Variants in IFT43 observed in about 807,000 individuals in gnomAD.
IFT43 encodes intraflagellar transport protein 43 homolog.
A neutral mutation model predicts 32.3 loss-of-function variants in IFT43; 33 were observed. The ratio of observed to expected loss-of-function variants is 1.02; its 90% CI spans 0.77 to 1.37. IFT43 has a LOEUF of 1.37. Among genes scored for constraint, IFT43 ranks in the 40% most tolerant of loss-of-function variants. The pLI is 0.00. For synonymous variants in IFT43, 93 were observed against 98.2 expected, an observed-to-expected ratio of 0.95 and a Z score of 0.31; for missense variants, 274 against 265.9, an observed-to-expected ratio of 1.03 and a Z score of -0.21.
At chr14:76,002,442 A>G (rs1417478903) in intron 2 of IFT43, among the ~76,000 whole-genome samples, 1 of 152,066 alleles carries the variant, frequency 6.6e-6, no homozygotes, top group Non-Finnish European at 1.5e-5. Flanking sequence ...CCAAGAAGGA[A>G]GTTGTTAGAT....
At position 76,005,863 on chromosome 14, in the gene IFT43, T is replaced by G. The variant is rs142287209; in HGVS notation, c.148-16464T>G. 7.6e-4 allele frequency among the ~76,000 whole-genome samples: 116 copies of G among 152,354 alleles called. 1 individual carries two copies. The highest frequency in any genetic ancestry group is 2.5e-3 in the African/African-American group (105 of 41,584). ...TCTTCTAATAGTGGTTTTATATGTT[T>G]TGTCCAAAGTTATAATTATTATCTG... On this transcript the variant is annotated intron_variant, in intron 2 of 8. Transcript: ENST00000314067.
rs1345735759 is a variant in IFT43 at position 75,999,265 on chromosome 14, A to T, written c.147+10288A>T. On this transcript the variant is annotated intron_variant, in intron 2 of 8. Transcript: ENST00000314067. ...TATATATATATATATATATATATATATATATATGTATATATATTTTTTTTT... is the reference window on the plus strand; with the variant it reads ...TATATATATATATATATATATATATTTATATATGTATATATATTTTTTTTT... Among the ~76,000 whole-genome samples, 32 of 23,732 alleles carry T rather than the reference A, an allele frequency of 1.3e-3. 3 individuals carry two copies. The highest frequency in any genetic ancestry group is 8.5e-3 in the South Asian group (5 of 590). 15.6% of individuals were successfully genotyped at this position (23,732 alleles called of 152,430 possible).
intron 5 of IFT43, among the ~76,000 whole-genome samples, chr14:76,060,325 C>G (rs2037106062): frequency 6.6e-6 from 1 of 152,080 alleles, no homozygotes; most frequent in East Asian, 1.9e-4. Context: ...TCAAGTGATT[C>G]TCCTGCCTCA....
intron 2 of IFT43, among the ~76,000 whole-genome samples, chr14:76,013,017 G>A (rs1206139762): frequency 6.6e-6 from 1 of 152,156 alleles, no homozygotes; most frequent in Admixed American, 6.5e-5. Flanking sequence ...ATAGAAAATA[G>A]GTTCTTCTAA....
At chr14:76,004,727 A>AT (rs994367732) in intron 2 of IFT43, among the ~76,000 whole-genome samples, 1 of 151,284 alleles carries the variant, frequency 6.6e-6, no homozygotes, top group Non-Finnish European at 1.5e-5. Flanking sequence ...AGCCTTATTA[A>AT]TTTTTTTTCC....
At chr14:76,012,837 C>T (rs2036111998) in intron 2 of IFT43, among the ~76,000 whole-genome samples, 1 of 152,140 alleles carries the variant, frequency 6.6e-6, no homozygotes, top group African/African-American at 2.4e-5. Flanking sequence ...ATCATTTGTC[C>T]AGCTGTTGTC....
chr14:76,015,168 C>T (rs1015333208), intron 2 of IFT43, among the ~76,000 whole-genome samples: 1 of 152,150 alleles, frequency 6.6e-6, no homozygotes, highest in Non-Finnish European at 1.5e-5. Context: ...CCGTCTCATC[C>T]AGACAGGGTA....
At chr14:76,002,719 TG>T (rs1302398351) in intron 2 of IFT43, among the ~76,000 whole-genome samples, 8 of 152,216 alleles carry the variant, frequency 5.3e-5, no homozygotes, top group Non-Finnish European at 1.2e-4. Context: ...TATAGCTGAA[TG>T]GTACAAGTTT....
At chr14:76,076,461 A>C in intron 5 of IFT43, 1 of 1,326,680 alleles carries the variant, frequency 7.5e-7, no homozygotes. Context: ...GGTGGGACCC[A>C]GGGGCCAGAT....
intron 2 of IFT43, among the ~76,000 whole-genome samples, chr14:76,007,406 T>C (rs182900514): frequency 2.0e-4 from 31 of 152,310 alleles, no homozygotes; most frequent in African/African-American, 7.5e-4. Context: ...GGGTTAATGC[T>C]TCTCTCACTT....
chr14:76,016,084 GATAA>G lies in IFT43; in HGVS notation c.148-6239_148-6236del, dbSNP rs567535994. ...TATTCTGGATGCTCGTTTCTTGTTG[GATAA>G]ATAGTTTGCAGATATCTTCTCCTAT... On this transcript the variant is annotated intron_variant, in intron 2 of 8. Transcript: ENST00000314067. 1.1e-4 allele frequency among the ~76,000 whole-genome samples: 16 copies of G among 152,232 alleles called. No homozygotes were observed. The South Asian group carries it at 3.3e-3, about 32-fold the overall frequency.
At position 76,083,537 on chromosome 14, in the gene IFT43, C is replaced by A; in HGVS notation, c.587C>A (p.Thr196Lys). Residue 196 changes from threonine to lysine, a missense_variant, in exon 9 of 9, where the codon ACG (threonine) becomes AAG (lysine). By Grantham distance (78) the Thr-to-Lys change is moderately conservative (BLOSUM62 -1). Transcript: ENST00000314067. ...EVLTEWDPLQ[T>K]EKEDPAGQAR... is the part of the protein sequence containing the mutation. The stretch of plus-strand genomic sequence containing the variant: ...CTCACTGAGTGGGACCCACTGCAGA[C>A]GGAGAAGGAGGACCCTGCGGGGCAG... 2 of 1,614,168 alleles carry A rather than the reference C, an allele frequency of 1.2e-6. No individual in the cohort carries two copies. The highest frequency in any genetic ancestry group is 1.7e-6 in the Non-Finnish European group (2 of 1,180,044).
At chr14:75,987,121 TA>T in intron 1 of IFT43, among the ~76,000 whole-genome samples, 1 of 152,332 alleles carries the variant, frequency 6.6e-6, no homozygotes, top group African/African-American at 2.4e-5. Flanking sequence ...TTGAAATACT[TA>T]AAAATTATTA....
At chr14:76,021,039 G>A (rs1035372155) in intron 2 of IFT43, among the ~76,000 whole-genome samples, 4 of 152,102 alleles carry the variant, frequency 2.6e-5, no homozygotes, top group Non-Finnish European at 4.4e-5. Context: ...GGCAGACAGG[G>A]CAGAACGGTC....
At chr14:76,084,021 A>G (rs1352014065), downstream of IFT43, 4 of 454,652 alleles carry the variant, frequency 8.8e-6, no homozygotes, top group Non-Finnish European at 1.8e-5. Context: ...TGCCACCTGC[A>G]TCATAGGCTT....
chr14:76,024,294 G>A (rs958558884), intron 3 of IFT43, among the ~76,000 whole-genome samples: 4 of 152,164 alleles, frequency 2.6e-5, no homozygotes, highest in East Asian at 3.8e-4. Flanking sequence ...TTCTTCCTAC[G>A]ACATACTCTC....
intron 2 of IFT43, among the ~76,000 whole-genome samples, chr14:76,006,511 G>A (rs1237125031): frequency 6.6e-6 from 1 of 152,078 alleles, no homozygotes; most frequent in Non-Finnish European, 1.5e-5. Context: ...TTTTAACACT[G>A]GTGTATGCAT....
Position 75,985,837 on chromosome 14 carries a change from C to G in IFT43, c.51C>G (p.Thr17=). ...LDEELRYSLA[T]SRAKMGRRAQ... ...AGGAGCTTCGCTACAGCTTGGCTAC[C>G]TCCGTGAGGACCAATTCGGGGGCCT... Residue 17 remains threonine, a synonymous_variant, in exon 1 of 9, where the codon ACC becomes ACG. Coordinates refer to ENST00000314067, the MANE Select transcript of IFT43 (RefSeq NM_001102564.3). 1 of 1,614,128 alleles carries G rather than the reference C, an allele frequency of 6.2e-7. No individual in the cohort carries two copies. Among genetic ancestry groups the G allele is most frequent in the Non-Finnish European group, 8.5e-7 (1 of 1,180,010 alleles).
intron 2 of IFT43, among the ~76,000 whole-genome samples, chr14:76,018,238 T>C (rs1288972656): frequency 2.6e-5 from 4 of 152,040 alleles, no homozygotes; most frequent in Non-Finnish European, 4.4e-5. Context: ...TAGGTTTTTG[T>C]ATGTTGTGTT....
Sources: allele counts gnomAD v4.1 joint callset (sites outside exome capture counted in the v4.1 genomes callset), GRCh38; gene constraint gnomAD v4.1.1; transcripts MANE v1.5; gene names NCBI Gene and HGNC (gene_info 2026-07-23, HGNC 2026-07-21).